Variants in CDH13 observed in about 807,000 individuals in gnomAD.
CDH13 encodes the protein cadherin-13.
A neutral mutation model predicts 63.8 loss-of-function variants in CDH13; 24 were observed. The ratio of observed to expected loss-of-function variants is 0.38; its 90% confidence interval spans 0.27 to 0.53. The LOEUF (loss-of-function observed/expected upper bound fraction) is 0.53. Among genes scored for constraint, CDH13 ranks in the 20% least tolerant of loss-of-function variants. The pLI, the probability that CDH13 is intolerant of heterozygous loss-of-function variation, is 0.85. For missense variants in CDH13, 1,049 were observed against 903.1 expected, an observed-to-expected ratio of 1.16 and a Z score of -2.07; for synonymous variants, 503 against 355.3, an observed-to-expected ratio of 1.42 and a Z score of -4.67.
chr16:83,598,094 A>C (rs1228651206), intron 7 of CDH13, among the ~76,000 whole-genome samples: 1 of 152,232 alleles, frequency 6.6e-6, no homozygotes, highest in Non-Finnish European at 1.5e-5. Context: ...GACCAGGTGC[A>C]GTGGCTCATG....
intron 6 of CDH13, among the ~76,000 whole-genome samples, chr16:83,398,930 G>C (rs763523146): frequency 6.6e-6 from 1 of 152,188 alleles, no homozygotes; most frequent in Non-Finnish European, 1.5e-5. Flanking sequence ...AATGTTGGAA[G>C]CAATTTGGAA....
chr16:82,640,154 G>C (rs1909211356), intron 1 of CDH13, among the ~76,000 whole-genome samples: 1 of 152,204 alleles, frequency 6.6e-6, no homozygotes, highest in Non-Finnish European at 1.5e-5. Context: ...ACGTTCAAAT[G>C]GGGTAGAGTG....
chr16:82,965,846 T>C (rs1191916110), intron 2 of CDH13, among the ~76,000 whole-genome samples: 1 of 152,216 alleles, frequency 6.6e-6, no homozygotes, highest in Non-Finnish European at 1.5e-5. Context: ...CCCACTGGTT[T>C]ACATTGTCTT....
Position 83,334,767 on chromosome 16 carries a change from G to A in CDH13, c.637-10095G>A, listed in dbSNP as rs141686686. 8.2e-3 allele frequency among the ~76,000 whole-genome samples: 1,244 copies of A among 152,120 alleles called. 9 individuals carry two copies. Among genetic ancestry groups the A allele is most frequent in the Non-Finnish European group, 0.011 (739 of 67,988 alleles). On this transcript the variant is annotated intron_variant, in intron 5 of 13. Coordinates refer to ENST00000567109, the MANE Select transcript of CDH13 (RefSeq NM_001257.5). ...GGAGAGAGTATGAGAATTGTAGACC[G>A]AAACTTCATGAAAAGATTTATCAGT...
At chr16:82,984,725 G>T (rs565375824) in intron 2 of CDH13, among the ~76,000 whole-genome samples, 48 of 152,172 alleles carry the variant, frequency 3.2e-4, no homozygotes, top group South Asian at 1.9e-3. Flanking sequence ...CAACTAAACG[G>T]GATACAGCTG....
rs527554051 is a variant in CDH13, at chr16:83,040,077, C to T, written c.366+7859C>T. ...GCTGAGCTCCTGAGCTGAAGGCCCT[C>T]GCTCCCATGCAGCACACTAAGATCA... On this transcript the variant is annotated intron_variant, in intron 3 of 13. Transcript: ENST00000567109. Among the ~76,000 whole-genome samples the T allele has an allele frequency of 4.0e-5, 6 of 151,764 alleles. No homozygotes were observed. In the South Asian group the frequency reaches 8.3e-4, roughly 21 times the overall value.
chr16:82,764,644 C>T (rs2034981645), intron 1 of CDH13, among the ~76,000 whole-genome samples: 1 of 152,054 alleles, frequency 6.6e-6, no homozygotes, highest in Non-Finnish European at 1.5e-5. Context: ...GCTCAATAAA[C>T]GTGTGTTGAA....
intron 2 of CDH13, among the ~76,000 whole-genome samples, chr16:82,921,494 A>C (rs942081645): frequency 3.9e-5 from 6 of 152,200 alleles, no homozygotes; most frequent in African/African-American, 1.2e-4. Flanking sequence ...TGAATAACCT[A>C]GGATCATCTC....
intron 5 of CDH13, among the ~76,000 whole-genome samples, chr16:83,257,254 GC>G (rs112750825): frequency 0.018 from 2,698 of 152,256 alleles, 79 homozygotes; most frequent in African/African-American, 0.06. Flanking sequence ...AGGAGAGAAA[GC>G]GACGGTGAGC....
intron 7 of CDH13, among the ~76,000 whole-genome samples, chr16:83,541,501 T>C (rs1268033693): frequency 2.0e-5 from 3 of 152,304 alleles, no homozygotes; most frequent in African/African-American, 4.8e-5. Context: ...TTAGACTTAA[T>C]TTTCCAAAGT....
At chr16:83,314,633 G>A (rs2090069253) in intron 5 of CDH13, among the ~76,000 whole-genome samples, 1 of 152,152 alleles carries the variant, frequency 6.6e-6, no homozygotes, top group Admixed American at 6.5e-5. Flanking sequence ...CTCAGCTGAA[G>A]GTCAGCCATC....
chr16:82,892,463 G>T (rs997975194), intron 2 of CDH13, among the ~76,000 whole-genome samples: 1 of 152,158 alleles, frequency 6.6e-6, no homozygotes, highest in Non-Finnish European at 1.5e-5. Flanking sequence ...TGTGCTGTCT[G>T]CCCTGAAAAC....
chr16:83,252,103 AT>A (rs1905618619), intron 5 of CDH13, among the ~76,000 whole-genome samples: 1 of 20,556 alleles, frequency 4.9e-5, no homozygotes, highest in Non-Finnish European at 1.2e-4. Flanking sequence ...GTATATATAT[AT>A]TATACACACA....
rs1367900446 is a variant in CDH13, at chr16:83,020,248, T to C, written c.158-11762T>C. On this transcript the variant is annotated intron_variant, in intron 2 of 13. Coordinates refer to ENST00000567109, the MANE Select transcript of CDH13 (RefSeq NM_001257.5). ...GCTGTAGGACCTCAATGTATTCTCCTTCCTGGCCTTTTATTCTGGTTATTT... is the reference window on the plus strand; with the variant it reads ...GCTGTAGGACCTCAATGTATTCTCCCTCCTGGCCTTTTATTCTGGTTATTT... 2.6e-5 allele frequency among the ~76,000 whole-genome samples: 4 copies of C among 152,006 alleles called. 1 individual carries two copies. Among genetic ancestry groups the C allele is most frequent in the Admixed American group, 2.6e-4 (4 of 15,256 alleles).
chr16:82,924,815 A>C (rs897136750), intron 2 of CDH13, among the ~76,000 whole-genome samples: 1 of 152,176 alleles, frequency 6.6e-6, no homozygotes, highest in African/African-American at 2.4e-5. Flanking sequence ...GCTAACATCT[A>C]GAATTTTATT....
At chr16:83,002,277 C>T (rs999397352) in intron 2 of CDH13, among the ~76,000 whole-genome samples, 7 of 152,266 alleles carry the variant, frequency 4.6e-5, no homozygotes, top group Admixed American at 3.9e-4. Flanking sequence ...CACAGAGGAA[C>T]AACACTGCAG....
chr16:82,891,283 C>A (rs557135646), intron 2 of CDH13, among the ~76,000 whole-genome samples: 1 of 152,154 alleles, frequency 6.6e-6, no homozygotes, highest in South Asian at 2.1e-4. Context: ...TGAAGAGGTC[C>A]TCTAAGAAAG....
chr16:82,658,799 C>T (rs1021830637), intron 1 of CDH13, among the ~76,000 whole-genome samples: 8 of 152,084 alleles, frequency 5.3e-5, no homozygotes, highest in African/African-American at 9.7e-5. Flanking sequence ...GGTACAAAGT[C>T]GATAGATTTT....
chr16:82,886,567 T>TTTC (rs1555535406), intron 2 of CDH13, among the ~76,000 whole-genome samples: 9 of 151,980 alleles, frequency 5.9e-5, no homozygotes, highest in African/African-American at 1.7e-4. Flanking sequence ...TGCAATTTTT[T>TTTC]TTTTTTACAT....
Sources: allele counts gnomAD v4.1 joint callset (sites outside exome capture counted in the v4.1 genomes callset), GRCh38; gene constraint gnomAD v4.1.1; transcripts MANE v1.5; gene names NCBI Gene and HGNC (gene_info 2026-07-23, HGNC 2026-07-21).